GPM6B: variants seen among roughly 807,000 people sequenced by gnomAD.
GPM6B encodes the protein glycoprotein M6B.
GPM6B carries 4 observed loss-of-function variants against 27.2 expected under a neutral mutation model. That is an observed-to-expected ratio of 0.15 (90% CI 0.07 to 0.34). GPM6B has a LOEUF of 0.34. GPM6B is among the 10% of genes least tolerant of loss of function. The pLI is 1.00. For synonymous variants in GPM6B, 124 were observed against 103.1 expected (o/e 1.20, Z -1.23); for missense variants, 183 against 261.9 (o/e 0.70, Z 2.08).
intron 1 of GPM6B, among the ~76,000 whole-genome samples, chrX:13,909,682 G>A (rs973714632): frequency 9.0e-6 from 1 of 111,053 alleles, no homozygotes; most frequent in East Asian, 2.8e-4. Context: ...AATTAAGTGG[G>A]TGCCTTTTCT....
intron 1 of GPM6B, among the ~76,000 whole-genome samples, chrX:13,836,351 A>C (rs751473289): frequency 2.5e-4 from 28 of 112,025 alleles, no homozygotes; most frequent in African/African-American, 8.4e-4. Context: ...AGGAAGAAAA[A>C]AATCTACAGA....
intron 2 of GPM6B, among the ~76,000 whole-genome samples, chrX:13,799,285 T>G (rs1263657746): frequency 1.1e-5 from 1 of 91,495 alleles, no homozygotes; most frequent in Non-Finnish European, 2.1e-5. Flanking sequence ...CAATCTCTGC[T>G]CACTGCAACC....
chrX:13,817,221 G>C, upstream of GPM6B: 1 of 858,674 alleles, frequency 1.2e-6, no homozygotes, highest in Non-Finnish European at 1.4e-6. Flanking sequence ...GTGGGAGTTG[G>C]GGGTAGGGGG....
At chrX:13,923,820 A>T (rs772125425) in intron 1 of GPM6B, among the ~76,000 whole-genome samples, 125 of 112,516 alleles carry the variant, frequency 1.1e-3, no homozygotes, top group Non-Finnish European at 2.1e-3. Flanking sequence ...GTGCACATCA[A>T]GTCATATTTT....
intron 6 of GPM6B, among the ~76,000 whole-genome samples, chrX:13,776,919 G>T (rs907049990): frequency 1.8e-5 from 2 of 111,028 alleles, no homozygotes; most frequent in African/African-American, 6.6e-5. Context: ...TTAAAAGTTG[G>T]GTATATACAC....
chrX:13,926,300 C>T (rs1164556872), intron 1 of GPM6B, among the ~76,000 whole-genome samples: 3 of 106,653 alleles, frequency 2.8e-5, no homozygotes, highest in Admixed American at 1.0e-4. Context: ...CCCAGCTACT[C>T]GGGAGGCTGA....
At chrX:13,935,267 G>A (rs1360152464) in intron 1 of GPM6B, among the ~76,000 whole-genome samples, 1 of 104,001 alleles carries the variant, frequency 9.6e-6, no homozygotes, top group Non-Finnish European at 1.9e-5. Context: ...GGGAAGCAGA[G>A]GAGGGAGGAT....
intron 2 of GPM6B, among the ~76,000 whole-genome samples, chrX:13,804,463 T>A (rs919639214): frequency 1.8e-5 from 2 of 109,632 alleles, no homozygotes; most frequent in Non-Finnish European, 3.8e-5. Flanking sequence ...ATACATCATT[T>A]CATCTCCTGA....
At chrX:13,889,477 G>A (rs898067906) in intron 1 of GPM6B, 4 of 111,396 alleles carry the variant, frequency 3.6e-5, no homozygotes, top group Non-Finnish European at 7.5e-5. Flanking sequence ...AGTTTAGTGG[G>A]GAAAGGCATA....
intron 2 of GPM6B, among the ~76,000 whole-genome samples, chrX:13,800,302 G>A (rs924571575): frequency 1.8e-5 from 2 of 112,125 alleles, no homozygotes; most frequent in African/African-American, 6.5e-5. Flanking sequence ...TCCTTCCCCA[G>A]TTAGGCCTTC....
In GPM6B at chrX:13,839,090, A is replaced by G. The variant is rs765707889; in HGVS notation, c.-197-53282T>C. 6.3e-5 allele frequency among the ~76,000 whole-genome samples: 7 copies of G among 111,911 alleles called. No homozygotes were observed. The East Asian group carries it at 1.7e-3, about 27-fold the overall frequency. Reference sequence around the variant, plus strand: ...CCCATAATACTTTGAGATGTTTACCATCTAATCTCTCTGAAGCCTGCTACC... The same window carrying G: ...CCCATAATACTTTGAGATGTTTACCGTCTAATCTCTCTGAAGCCTGCTACC... On this transcript the variant is annotated intron_variant, in intron 1 of 6. Transcript: ENST00000398361.
intron 1 of GPM6B, among the ~76,000 whole-genome samples, chrX:13,846,077 A>G (rs1231293284): frequency 9.0e-6 from 1 of 110,787 alleles, no homozygotes; most frequent in Non-Finnish European, 1.9e-5. Flanking sequence ...TCTCTTTCTC[A>G]TTTTCCACCT....
chrX:13,776,130 G>T, intron 7 of GPM6B, 108 bp downstream of exon 7: 1 of 617,904 alleles, frequency 1.6e-6, no homozygotes, highest in Non-Finnish European at 2.7e-6. Context: ...AAGGTTGAGT[G>T]CCAGAATCAT....
upstream of GPM6B, among the ~76,000 whole-genome samples, chrX:13,820,526 A>T (rs2049296305): frequency 9.0e-6 from 1 of 111,124 alleles, no homozygotes; most frequent in Admixed American, 9.5e-5. Flanking sequence ...AGAGAGCAGC[A>T]TCCGGGAGTC....
Position 13,785,644 on chromosome X carries a change from C to G in GPM6B, c.346G>C (p.Asp116His). The G allele has an allele frequency of 8.3e-7, 1 of 1,211,490 alleles. No individual in the cohort carries two copies. Among genetic ancestry groups the G allele is most frequent in the Non-Finnish European group, 1.1e-6 (1 of 895,265 alleles). ...LEQHFSTNAS[D>H]HALLSEVIQL... ...TACACCTCGCTCAGCAAGGCATGGTCACTGGCGTTGGTGGAGAAGTGTTGC... is the reference window on the plus strand; with the variant it reads ...TACACCTCGCTCAGCAAGGCATGGTGACTGGCGTTGGTGGAGAAGTGTTGC... Residue 116 changes from aspartate to histidine, a missense_variant, in exon 3 of 8, where the codon GAC (aspartate) becomes CAC (histidine). By Grantham distance (81) the Asp-to-His change is moderately conservative (BLOSUM62 -1). Transcript: ENST00000316715.
At chrX:13,794,357 C>T (rs1228336184) in intron 2 of GPM6B, among the ~76,000 whole-genome samples, 1 of 110,606 alleles carries the variant, frequency 9.0e-6, no homozygotes. Flanking sequence ...TAAATCTCCT[C>T]GGGACTTCAT....
chrX:13,926,054 C>CAAAAAAAAAAA (rs772441542), intron 1 of GPM6B, among the ~76,000 whole-genome samples: 1 of 99,185 alleles, frequency 1.0e-5, no homozygotes, highest in African/African-American at 3.8e-5. Flanking sequence ...GACTCCATCT[C>CAAAAAAAAAAA]AAAAAAAAAA....
At position 13,771,105 on chromosome X, in the gene GPM6B, TG is replaced by T. The variant is rs1307438302; in HGVS notation, c.*1775del. On this transcript the variant is annotated 3_prime_UTR_variant, in exon 8 of 8. Transcript: ENST00000316715. Reference sequence around the variant, plus strand: ...AGCCCTTGGCACTGATAGAAAATATTGATTCACTGTTAGGTTACAAAAATTT... The same window carrying T: ...AGCCCTTGGCACTGATAGAAAATATTATTCACTGTTAGGTTACAAAAATTT... 1 of 112,650 alleles carries T rather than the reference TG, an allele frequency of 8.9e-6. No individual in the cohort carries two copies. The highest frequency in any genetic ancestry group is 3.2e-5 in the African/African-American group (1 of 30,926). 9.3% of individuals were successfully genotyped at this position (112,650 alleles called of 1,213,427 possible).
At chrX:13,869,770 T>C (rs751011016) in intron 1 of GPM6B, among the ~76,000 whole-genome samples, 2 of 112,455 alleles carry the variant, frequency 1.8e-5, no homozygotes, top group South Asian at 7.4e-4. Flanking sequence ...TCACTGAGCT[T>C]CTCCTTATGT....
Sources: gnomAD v4.1 joint callset for allele counts (sites outside exome capture counted in the v4.1 genomes callset) on GRCh38, gnomAD v4.1.1 for gene constraint, MANE v1.5 for transcripts, NCBI Gene and HGNC (gene_info 2026-07-23, HGNC 2026-07-21) for gene names.